The following IPCEF1 variants were observed in gnomAD, a reference collection of about 807,000 sequenced individuals.
IPCEF1 encodes interactor protein for cytohesin exchange factors 1.
IPCEF1 carries 31 observed loss-of-function variants against 50.9 expected under a neutral mutation model. The ratio of observed to expected loss-of-function variants is 0.61; its 90% CI spans 0.46 to 0.82. The LOEUF is 0.82. Ranked by LOEUF, IPCEF1 falls within the 40% of genes least tolerant of loss-of-function variation. The pLI is 0.00. For missense variants in IPCEF1, 458 were observed against 514.0 expected (o/e 0.89, Z 1.05); for synonymous variants, 181 against 192.0 (o/e 0.94, Z 0.47).
At chr6:154,319,782 A>G (rs982233155) in intron 1 of IPCEF1, among the ~76,000 whole-genome samples, 2 of 152,270 alleles carry the variant, frequency 1.3e-5, no homozygotes, top group Non-Finnish European at 2.9e-5. Context: ...CTCCCTGCCC[A>G]TATAAACAAG....
At position 154,221,347 on chromosome 6, in the gene IPCEF1, C is replaced by T; in HGVS notation, c.321-19G>A. 6.2e-7 allele frequency: 1 copy of T among 1,607,466 alleles called. No homozygotes were observed. The highest frequency in any genetic ancestry group is 8.5e-7 in the Non-Finnish European group (1 of 1,174,680). ...AAAAGCACTTGAAGGAGGAAAAGCA[C>T]AAACACATAAAAAATTAGTGTTTAT... On this transcript the variant is annotated intron_variant, in intron 6 of 11. Transcript: ENST00000367220.
chr6:154,187,350 G>A (rs918553143), intron 10 of IPCEF1, among the ~76,000 whole-genome samples: 1 of 152,006 alleles, frequency 6.6e-6, no homozygotes, highest in Non-Finnish European at 1.5e-5. Context: ...GTTTCCTACT[G>A]TTTCCCTACC....
chr6:154,165,715 C>G (rs1230511911), intron 11 of IPCEF1, among the ~76,000 whole-genome samples: 1 of 152,206 alleles, frequency 6.6e-6, no homozygotes, highest in Non-Finnish European at 1.5e-5. Flanking sequence ...AATGAGATGA[C>G]CCAATGACTT....
intron 9 of IPCEF1, among the ~76,000 whole-genome samples, chr6:154,204,447 T>G (rs1486394948): frequency 6.6e-6 from 1 of 152,186 alleles, no homozygotes; most frequent in East Asian, 1.9e-4. Context: ...TTGGCCATAT[T>G]AGCAAAAACA....
At chr6:154,281,973 C>T (rs951159957) in intron 2 of IPCEF1, among the ~76,000 whole-genome samples, 1 of 152,128 alleles carries the variant, frequency 6.6e-6, no homozygotes, top group Non-Finnish European at 1.5e-5. Flanking sequence ...CATTGCACTC[C>T]AGCCTGGGCA....
intron 1 of IPCEF1, among the ~76,000 whole-genome samples, chr6:154,351,199 G>A (rs138917664): frequency 3.5e-4 from 54 of 152,288 alleles, no homozygotes; most frequent in African/African-American, 1.2e-3. Context: ...CCATCAATAT[G>A]GGTCCAATGA....
intron 1 of IPCEF1, among the ~76,000 whole-genome samples, chr6:154,311,494 C>CTA (rs1783076708): frequency 6.6e-6 from 1 of 152,182 alleles, no homozygotes; most frequent in Non-Finnish European, 1.5e-5. Flanking sequence ...AGCTCCAGAG[C>CTA]TATACTTCCA....
intron 1 of IPCEF1, among the ~76,000 whole-genome samples, chr6:154,318,130 A>G (rs1488009475): frequency 1.3e-5 from 2 of 152,220 alleles, no homozygotes; most frequent in East Asian, 3.8e-4. Flanking sequence ...GAAGTTCTGG[A>G]ACAGGCAAGA....
At chr6:154,278,273 C>T (rs920312776) in intron 2 of IPCEF1, among the ~76,000 whole-genome samples, 3 of 152,184 alleles carry the variant, frequency 2.0e-5, no homozygotes, top group South Asian at 2.1e-4. Context: ...GAAAGAGGAA[C>T]ATGTGCTCTA....
chr6:154,238,223 T>A (rs1005404096), intron 5 of IPCEF1, among the ~76,000 whole-genome samples: 35 of 152,188 alleles, frequency 2.3e-4, no homozygotes, highest in Admixed American at 2.3e-3. Flanking sequence ...CAACAAAATG[T>A]CTAAACTCGT....
chr6:154,309,320 T>G (rs1431324296), intron 1 of IPCEF1, among the ~76,000 whole-genome samples: 2 of 152,140 alleles, frequency 1.3e-5, no homozygotes, highest in Non-Finnish European at 2.9e-5. Flanking sequence ...GTCCCCCCAC[T>G]CTATGGTGGC....
intron 5 of IPCEF1, among the ~76,000 whole-genome samples, chr6:154,233,521 T>A (rs775499514): frequency 2.0e-5 from 3 of 151,984 alleles, no homozygotes; most frequent in African/African-American, 7.2e-5. Context: ...GAAATAGATA[T>A]TCTACATAGA....
chr6:154,338,017 C>CT (rs1299336961), intron 1 of IPCEF1, among the ~76,000 whole-genome samples: 1 of 152,242 alleles, frequency 6.6e-6, no homozygotes, highest in African/African-American at 2.4e-5. Flanking sequence ...AATGGCTAAG[C>CT]TGAGGCTTGA....
chr6:154,330,381 G>C (rs959378971), intron 1 of IPCEF1, among the ~76,000 whole-genome samples: 13 of 144,232 alleles, frequency 9.0e-5, no homozygotes, highest in African/African-American at 2.8e-4. Flanking sequence ...GTCACCCAGG[G>C]TGGAGTGCAG....
intron 2 of IPCEF1, 47 bp downstream of exon 2, chr6:154,289,666 A>G (rs1782462415): frequency 6.6e-6 from 1 of 152,006 alleles, no homozygotes; most frequent in Non-Finnish European, 1.5e-5. Context: ...AGTCATAAAT[A>G]TCACTAAAGA....
intron 2 of IPCEF1, among the ~76,000 whole-genome samples, chr6:154,288,667 CAAAAAAAACAAAAAA>C (rs1777733306): frequency 6.4e-4 from 72 of 112,640 alleles, no homozygotes; most frequent in African/African-American, 2.1e-3. Context: ...GTCTAAAAAA[CAAAAAAAACAAAAAA>C]AAAAAAAAAA....
At chr6:154,347,946 A>G (rs1241798661) in intron 1 of IPCEF1, among the ~76,000 whole-genome samples, 1 of 152,120 alleles carries the variant, frequency 6.6e-6, no homozygotes. Flanking sequence ...GGAAATTACT[A>G]CACCCCATGT....
At chr6:154,179,377 A>G (rs1336927936) in intron 10 of IPCEF1, among the ~76,000 whole-genome samples, 1 of 152,216 alleles carries the variant, frequency 6.6e-6, no homozygotes, top group Non-Finnish European at 1.5e-5. Flanking sequence ...AGAATTTCAT[A>G]GTAGAAAACA....
chr6:154,162,275 G>C (rs566351225), intron 11 of IPCEF1, among the ~76,000 whole-genome samples: 1 of 152,270 alleles, frequency 6.6e-6, no homozygotes, highest in Non-Finnish European at 1.5e-5. Context: ...CATGTTTGCT[G>C]TTATTTCTTG....
Sources: gnomAD v4.1 joint callset for allele counts (sites outside exome capture counted in the v4.1 genomes callset) on GRCh38, gnomAD v4.1.1 for gene constraint, MANE v1.5 for transcripts, NCBI Gene and HGNC (gene_info 2026-07-23, HGNC 2026-07-21) for gene names.